Variants in MUC7 observed in about 807,000 individuals in gnomAD.
MUC7 encodes mucin-7.
Under a neutral mutation model 2.5 loss-of-function variants are expected in MUC7, and 2 were observed. That is an observed-to-expected ratio of 0.81 (90% confidence interval 0.33 to 2.55). The LOEUF (loss-of-function observed/expected upper bound fraction) is 2.55. Ranked by LOEUF, MUC7 falls within the 30% of genes most tolerant of loss-of-function variation. The pLI, the probability that MUC7 is intolerant of heterozygous loss-of-function variation, is 0.11. For missense variants in MUC7, 408 were observed against 455.6 expected (o/e 0.90, Z 0.95); for synonymous variants, 133 against 173.4 (o/e 0.77, Z 1.83).
chr4:70,461,390 T>C (rs558221084), intron 1 of MUC7, among the ~76,000 whole-genome samples: 2 of 152,230 alleles, frequency 1.3e-5, no homozygotes, highest in Admixed American at 6.5e-5. Flanking sequence ...ACTTTCTATA[T>C]GCAGATGATA....
chr4:70,431,718 G>A (rs949361842), intron 1 of MUC7, among the ~76,000 whole-genome samples: 1 of 151,990 alleles, frequency 6.6e-6, no homozygotes, highest in African/African-American at 2.4e-5. Flanking sequence ...TTGAGGGTAA[G>A]TCTGGTTTAA....
intron 1 of MUC7, among the ~76,000 whole-genome samples, chr4:70,465,668 T>C (rs1329856817): frequency 6.6e-6 from 1 of 151,702 alleles, no homozygotes; most frequent in Non-Finnish European, 1.5e-5. Context: ...ATCAACTTAA[T>C]GAAATAAAGC....
At position 70,481,727 on chromosome 4, in the gene MUC7, C is replaced by T; in HGVS notation, c.983C>T (p.Ala328Val). 1 of 1,614,218 alleles carries T rather than the reference C, an allele frequency of 6.2e-7. No individual in the cohort carries two copies. Among genetic ancestry groups the T allele is most frequent in the Non-Finnish European group, 8.5e-7 (1 of 1,180,040 alleles). ...CCTGACACTTCTGAAACTTCAGCTG[C>T]ACCCACACACCAGACTACTACTTCG... ...LAPDTSETSA[A>V]PTHQTTTSVT... The change falls in exon 3 of 3, where the codon GCA (alanine) becomes GTA (valine). Residue 328 changes from alanine to valine, a missense_variant. Transcript: ENST00000304887.
At chr4:70,459,603 T>A (rs772793981) in intron 1 of MUC7, among the ~76,000 whole-genome samples, 4 of 152,088 alleles carry the variant, frequency 2.6e-5, no homozygotes, top group Non-Finnish European at 5.9e-5. Flanking sequence ...AAATAAAAAT[T>A]CACATTTTTT....
At chr4:70,460,451 A>T (rs755975977) in intron 1 of MUC7, among the ~76,000 whole-genome samples, 2 of 136,208 alleles carry the variant, frequency 1.5e-5, no homozygotes, top group Non-Finnish European at 3.1e-5. Flanking sequence ...AATAATATAC[A>T]TGAAAGTTAT....
At chr4:70,436,055 T>G (rs1170968381) in intron 1 of MUC7, among the ~76,000 whole-genome samples, 1 of 152,242 alleles carries the variant, frequency 6.6e-6, no homozygotes, top group Non-Finnish European at 1.5e-5. Context: ...CTTGTAGGGT[T>G]TCTGCCCACA....
chr4:70,468,250 C>T (rs577801994), upstream of MUC7, among the ~76,000 whole-genome samples: 5 of 152,156 alleles, frequency 3.3e-5, no homozygotes, highest in Admixed American at 6.5e-5. Flanking sequence ...ATTGATGGAA[C>T]GTACATCAAA....
chr4:70,464,808 G>T (rs1734641649), intron 1 of MUC7, among the ~76,000 whole-genome samples: 1 of 152,154 alleles, frequency 6.6e-6, no homozygotes, highest in Non-Finnish European at 1.5e-5. Flanking sequence ...GAAAGGGGAG[G>T]TAATGGGCGC....
chr4:70,443,815 C>A (rs1475610430), intron 1 of MUC7, among the ~76,000 whole-genome samples: 1 of 152,090 alleles, frequency 6.6e-6, no homozygotes, highest in African/African-American at 2.4e-5. Flanking sequence ...CTTGGCAAAC[C>A]AAAATCACAC....
chr4:70,449,173 A>G (rs183965544), intron 1 of MUC7, among the ~76,000 whole-genome samples: 5 of 152,250 alleles, frequency 3.3e-5, no homozygotes, highest in Non-Finnish European at 5.9e-5. Flanking sequence ...TAGTTTGAGT[A>G]GGAGTTGGGT....
At chr4:70,456,161 T>C (rs1480245123) in intron 1 of MUC7, among the ~76,000 whole-genome samples, 1 of 152,168 alleles carries the variant, frequency 6.6e-6, no homozygotes, top group Admixed American at 6.5e-5. Context: ...CGAAGTCACT[T>C]CCATATTTTC....
chr4:70,430,988 G>A (rs988230004), intron 1 of MUC7, among the ~76,000 whole-genome samples: 1 of 152,004 alleles, frequency 6.6e-6, no homozygotes, highest in Non-Finnish European at 1.5e-5. Flanking sequence ...TTTAACATTA[G>A]TGATATTTCC....
At chr4:70,479,425 TG>T (rs1463642684) in intron 2 of MUC7, among the ~76,000 whole-genome samples, 2 of 152,226 alleles carry the variant, frequency 1.3e-5, no homozygotes, top group African/African-American at 2.4e-5. Flanking sequence ...TCACTTCATC[TG>T]CACTAAACTT....
exon 1 of MUC7, chr4:70,430,618 G>C (rs1733634781): frequency 6.6e-6 from 1 of 152,048 alleles, no homozygotes; most frequent in South Asian, 2.1e-4. Context: ...AAAATGCCTA[G>C]ACACAGTAAC....
chr4:70,446,928 T>A lies in MUC7; in HGVS notation c.-93+16241T>A, dbSNP rs371654272. On this transcript the variant is annotated intron_variant, in intron 1 of 3. Coordinates refer to the MUC7 transcript ENST00000413702. ...AAAAAGAACTGATTATCTCTTATATTAATATTATTGCATAGATCTTCATCT... is the reference window on the plus strand; with the variant it reads ...AAAAAGAACTGATTATCTCTTATATAAATATTATTGCATAGATCTTCATCT... Among the ~76,000 whole-genome samples, 42 of 152,306 alleles carry A rather than the reference T, an allele frequency of 2.8e-4. 1 individual carries two copies. In the South Asian group the frequency reaches 5.6e-3, roughly 20 times the overall value.
Position 70,482,902 on chromosome 4 carries a change from A to G in MUC7, c.*1024A>G. 1 of 152,438 alleles carries G rather than the reference A, an allele frequency of 6.6e-6. No individual in the cohort carries two copies. The allele number at this position is 152,438 out of a possible 1,614,324, so 9.4% of individuals were successfully genotyped here. ...GTATACGGAGATGTTAATTTGGGAT[A>G]TGGAGGCATTTTTATCTTCTGTCAC... On this transcript the variant is annotated 3_prime_UTR_variant, in exon 3 of 3. Transcript: ENST00000304887.
At chr4:70,445,036 A>T (rs538554487) in intron 1 of MUC7, among the ~76,000 whole-genome samples, 1 of 152,202 alleles carries the variant, frequency 6.6e-6, no homozygotes, top group Non-Finnish European at 1.5e-5. Context: ...TGTCTAAAAA[A>T]CAAACAAACA....
intron 1 of MUC7, among the ~76,000 whole-genome samples, chr4:70,436,375 A>G (rs1446069818): frequency 6.6e-6 from 1 of 151,944 alleles, no homozygotes; most frequent in African/African-American, 2.4e-5. Context: ...ATAGTCCCAT[A>G]TTTCCTGGAG....
chr4:70,481,205 T>C lies in MUC7; in HGVS notation c.461T>C (p.Leu154Ser). The change falls in exon 3 of 3, where the codon TTA (leucine) becomes TCA (serine). Residue 154 changes from leucine to serine, a missense_variant. By Grantham distance (145) the Leu-to-Ser change is moderately radical (BLOSUM62 -2). Transcript: ENST00000304887. ...NVNTSSSVAT[L>S]APVNSPAPQD... ...AACACAAGCTCTTCTGTAGCTACAT[T>C]AGCACCAGTGAATTCCCCAGCTCCA... The C allele has an allele frequency of 1.2e-6, 2 of 1,614,152 alleles. No individual in the cohort carries two copies. Among genetic ancestry groups the C allele is most frequent in the Non-Finnish European group, 1.7e-6 (2 of 1,179,998 alleles).
Sources: gnomAD v4.1 joint callset for allele counts (sites outside exome capture counted in the v4.1 genomes callset) on GRCh38, gnomAD v4.1.1 for gene constraint, MANE v1.5 for transcripts, NCBI Gene and HGNC (gene_info 2026-07-23, HGNC 2026-07-21) for gene names.